MRPS5: variants seen among roughly 807,000 people sequenced by gnomAD.
The protein encoded by MRPS5 is mitochondrial ribosomal protein S5, also known as small ribosomal subunit protein uS5m.
In MRPS5, 27 loss-of-function variants were observed where a neutral mutation model predicts 51.9. The ratio of observed to expected loss-of-function variants is 0.52; its 90% CI spans 0.38 to 0.72. The LOEUF is 0.72. Among genes scored for constraint, MRPS5 ranks in the 30% least tolerant of loss-of-function variants. The pLI is 0.00. For missense variants in MRPS5, 570 were observed against 545.7 expected (o/e 1.04, Z -0.44); for synonymous variants, 196 against 193.2 (o/e 1.01, Z -0.12).
chr2:95,108,208 T>G lies in MRPS5; in HGVS notation c.604A>C (p.Ser202Arg). The G allele has an allele frequency of 1.2e-6, 2 of 1,614,232 alleles. No individual in the cohort carries two copies. The highest frequency in any genetic ancestry group is 1.7e-6 in the Non-Finnish European group (2 of 1,180,034). Residue 202 changes from serine (S) to arginine (R), a missense_variant, in exon 5 of 12, where the codon AGT (serine) becomes CGT (arginine). Physicochemically the swap from Ser to Arg is moderately radical, Grantham distance 110. Coordinates refer to ENST00000272418, the MANE Select transcript of MRPS5 (RefSeq NM_031902.5). ...GGACCAGGGTCAGGGGGGCCAAGAC[T>G]GATGCCTCCCCATGAGTTTCCACTC... ...GWSGNSWGGI[S>R]LGPPDPGPCG...
intron 7 of MRPS5, among the ~76,000 whole-genome samples, chr2:95,102,342 A>T (rs1322572242): frequency 6.6e-6 from 1 of 152,334 alleles, no homozygotes; most frequent in African/African-American, 2.4e-5. Context: ...TAGGCAAATC[A>T]CTTTGAACAT....
At chr2:95,112,042 T>C (rs1340391012) in intron 3 of MRPS5, among the ~76,000 whole-genome samples, 1 of 152,190 alleles carries the variant, frequency 6.6e-6, no homozygotes, top group Non-Finnish European at 1.5e-5. Flanking sequence ...TATACACCTA[T>C]TAACTATAAA....
intron 3 of MRPS5, among the ~76,000 whole-genome samples, chr2:95,112,728 G>A (rs910991200): frequency 6.6e-6 from 1 of 152,192 alleles, no homozygotes; most frequent in African/African-American, 2.4e-5. Context: ...AGTCAGGCCA[G>A]GAGCAGTGGC....
At chr2:95,101,850 T>C in intron 7 of MRPS5, 127 bp from the exon 8 acceptor site, 2 of 647,884 alleles carry the variant, frequency 3.1e-6, no homozygotes, top group Non-Finnish European at 5.4e-6. Flanking sequence ...CACAAAAGAC[T>C]TGCTATACAA....
chr2:95,086,923 C>T lies in MRPS5; in HGVS notation c.*434G>A, dbSNP rs1034340694. ...TAGTAGCCTACAACTTCCATTTCCA[C>T]TGTGGAAAACGGTTTGGAAGTTCCT... On this transcript the variant is annotated 3_prime_UTR_variant, in exon 12 of 12. Transcript: ENST00000272418. Among the ~76,000 whole-genome samples the T allele has an allele frequency of 6.6e-5, 10 of 152,162 alleles. No individual in the cohort carries two copies. The highest frequency in any genetic ancestry group is 1.2e-4 in the Non-Finnish European group (8 of 68,028).
chr2:95,120,169 C>A (rs1254586522), intron 1 of MRPS5, among the ~76,000 whole-genome samples: 1 of 152,164 alleles, frequency 6.6e-6, no homozygotes, highest in Non-Finnish European at 1.5e-5. Flanking sequence ...ATGTTTCTAG[C>A]AAAATAGGCC....
chr2:95,119,538 G>A lies in MRPS5; in HGVS notation c.59-1593C>T, dbSNP rs190133752. Reference sequence around the variant, plus strand: ...GAAGTGGGAGGGTCACCCGAGCCCAGAAGGTTGAGGCTGCAGTGAGCTGCA... The same window carrying A: ...GAAGTGGGAGGGTCACCCGAGCCCAAAAGGTTGAGGCTGCAGTGAGCTGCA... On this transcript the variant is annotated intron_variant, in intron 1 of 11. Coordinates refer to ENST00000272418, the MANE Select transcript of MRPS5 (RefSeq NM_031902.5). Among the ~76,000 whole-genome samples the A allele has an allele frequency of 3.9e-3, 594 of 151,556 alleles. 1 individual carries two copies. The highest frequency in any genetic ancestry group is 6.2e-3 in the Admixed American group (95 of 15,222).
intron 10 of MRPS5, chr2:95,092,624 A>G (rs779596386): frequency 1.6e-4 from 24 of 152,246 alleles, no homozygotes; most frequent in Non-Finnish European, 3.2e-4. Flanking sequence ...CCCGATACAT[A>G]GGTAATGGTC....
intron 8 of MRPS5, 87 bp from the exon 9 acceptor site, chr2:95,100,981 AT>A: frequency 8.5e-7 from 1 of 1,171,184 alleles, no homozygotes; most frequent in Non-Finnish European, 1.2e-6. Flanking sequence ...AAAATGTTTC[AT>A]TATCAAAAAT....
intron 7 of MRPS5, among the ~76,000 whole-genome samples, chr2:95,102,514 T>C (rs1675831819): frequency 6.6e-6 from 1 of 152,060 alleles, no homozygotes; most frequent in South Asian, 2.1e-4. Flanking sequence ...ATATAAAAAT[T>C]AGCCAGGCAT....
chr2:95,115,306 C>T lies in MRPS5; in HGVS notation c.140-103G>A, dbSNP rs1041288034. The T allele has an allele frequency of 5.2e-6, 6 of 1,151,528 alleles. No homozygotes were observed. In the African/African-American group the frequency reaches 6.3e-5, roughly 12 times the overall value. 71.3% of individuals were successfully genotyped at this position (1,151,528 alleles called of 1,614,324 possible). A position where few individuals can be genotyped will look rare whatever the true frequency, so the allele number is the denominator to read the frequency against. ...ACTAACAAAAATAAGTCACTAAAAT[C>T]CTGAACTTTTAAGAATCAGATTTTT... is the stretch of plus-strand genomic sequence containing the variant. On this transcript the variant is annotated intron_variant, in intron 2 of 11. Coordinates refer to ENST00000272418, the MANE Select transcript of MRPS5 (RefSeq NM_031902.5).
At chr2:95,090,176 CAAAA>C (rs35901146) in intron 11 of MRPS5, among the ~76,000 whole-genome samples, 1 of 43,542 alleles carries the variant, frequency 2.3e-5, no homozygotes, top group Non-Finnish European at 4.0e-5. Flanking sequence ...GACTCCGTCT[CAAAA>C]AAAAAAAAAA....
In MRPS5 at chr2:95,121,666, C is replaced by G. The variant is rs925618412; in HGVS notation, c.58+68G>C. On this transcript the variant is annotated intron_variant, in intron 1 of 11. Coordinates refer to ENST00000272418, the MANE Select transcript of MRPS5 (RefSeq NM_031902.5). ...TCGCTTCCCTCCGCCCCGACTTCTG[C>G]AGGCCCCAGGCGAGCCCCCCACTCC... 7.4e-6 allele frequency: 11 copies of G among 1,483,870 alleles called. No individual in the cohort carries two copies. The African/African-American group carries it at 1.6e-4, about 22-fold the overall frequency. The allele number at this position is 1,483,870 out of a possible 1,614,324, so 91.9% of individuals were successfully genotyped here.
At chr2:95,089,898 C>T (rs1306565261) in intron 11 of MRPS5, among the ~76,000 whole-genome samples, 1 of 152,124 alleles carries the variant, frequency 6.6e-6, no homozygotes, top group African/African-American at 2.4e-5. Flanking sequence ...AATTTTCAGG[C>T]CGGGCGCGGT....
rs185774383 is a variant in MRPS5, at chr2:95,097,478, A to G, written c.931+2996T>C. Among the ~76,000 whole-genome samples the G allele has an allele frequency of 3.4e-3, 515 of 152,342 alleles. 1 individual carries two copies. The highest frequency in any genetic ancestry group is 4.5e-3 in the Non-Finnish European group (308 of 68,024). ...ACAAGGCTACAGTAACCAAAACAGC[A>G]TGGTACTGGTACCAAAACAGAGATA... On this transcript the variant is annotated intron_variant, in intron 10 of 11. Coordinates refer to ENST00000272418, the MANE Select transcript of MRPS5 (RefSeq NM_031902.5).
rs1208661619 is a variant in MRPS5, at chr2:95,098,173, T to TA, written c.931+2300dup. On this transcript the variant is annotated intron_variant, in intron 10 of 11. Transcript: ENST00000272418. ...TCACACCAGTTAGAATGGCAATCAT[T>TA]AAAAAGTCAGGAAACAACAGGTGCT... 2.0e-5 allele frequency among the ~76,000 whole-genome samples: 3 copies of TA among 152,240 alleles called. No individual in the cohort carries two copies. In the East Asian group the frequency reaches 5.8e-4, roughly 29 times the overall value.
At chr2:95,089,009 G>A (rs762292018) in intron 11 of MRPS5, among the ~76,000 whole-genome samples, 3 of 152,200 alleles carry the variant, frequency 2.0e-5, no homozygotes, top group African/African-American at 4.8e-5. Flanking sequence ...GGAGGTTGCA[G>A]TGAGCTGAGA....
chr2:95,087,489 G>GCCCCCC lies in MRPS5; in HGVS notation c.1160_1161insGGGGGG (p.Pro387_Arg388insGlyGly). The GCCCCCC allele has an allele frequency of 4.3e-6, 7 of 1,614,158 alleles. No individual in the cohort carries two copies. Among genetic ancestry groups the GCCCCCC allele is most frequent in the Non-Finnish European group, 5.9e-6 (7 of 1,180,038 alleles). On this transcript the variant is annotated inframe_insertion, in exon 12 of 12. Coordinates refer to ENST00000272418, the MANE Select transcript of MRPS5 (RefSeq NM_031902.5). Reference sequence around the variant, plus strand: ...CTGGATCCTTCCTCAAGGGCCCCCGGGGGGACGCAACCACAATGGGCAGAG... The same window carrying GCCCCCC: ...CTGGATCCTTCCTCAAGGGCCCCCGGCCCCCCGGGGACGCAACCACAATGGGCAGAG...
intron 11 of MRPS5, among the ~76,000 whole-genome samples, chr2:95,088,808 C>G (rs1675374023): frequency 6.6e-6 from 1 of 152,340 alleles, no homozygotes; most frequent in East Asian, 1.9e-4. Flanking sequence ...GTGGCTCACG[C>G]CTGTAATCCC....
Sources: gnomAD v4.1 joint callset for allele counts (sites outside exome capture counted in the v4.1 genomes callset) on GRCh38, gnomAD v4.1.1 for gene constraint, MANE v1.5 for transcripts, NCBI Gene and HGNC (gene_info 2026-07-23, HGNC 2026-07-21) for gene names.